ADAMTS13: variants seen among roughly 807,000 people sequenced by gnomAD.
ADAMTS13 encodes ADAM metallopeptidase with thrombospondin type 1 motif 13.
ADAMTS13 carries 110 observed loss-of-function variants against 155.1 expected under a neutral mutation model. That is an observed-to-expected ratio of 0.71 (90% CI 0.61 to 0.83). The LOEUF (loss-of-function observed/expected upper bound fraction) is 0.83, where lower values mean the gene tolerates loss of function less well. ADAMTS13 is among the 40% of genes least tolerant of loss of function. ADAMTS13 has a pLI of 0.00. For missense variants in ADAMTS13, 1,707 were observed against 1,891.7 expected (o/e 0.90, Z 1.81); for synonymous variants, 758 against 756.4 (o/e 1.00, Z -0.03).
intron 11 of ADAMTS13, 38 bp from the exon 12 acceptor site, chr9:133,436,791 C>A (rs1554789105): frequency 1.1e-5 from 7 of 647,920 alleles, no homozygotes; most frequent in South Asian, 3.0e-5. Context: ...CGCCCCCCGC[C>A]CCACCGCCAT....
intron 14 of ADAMTS13, among the ~76,000 whole-genome samples, chr9:133,438,933 G>A (rs968077983): frequency 2.0e-5 from 3 of 147,478 alleles, no homozygotes; most frequent in African/African-American, 7.5e-5. Flanking sequence ...AAAAAAGTAT[G>A]GACGTTGTGC....
At position 133,424,514 on chromosome 9, in the gene ADAMTS13, G is replaced by T. The variant is rs782049664; in HGVS notation, c.330+36G>T. ...CACGCTGGACTGTGCAGGTCCCCAC[G>T]GCCAGGGCTGGTGACCAATGTCTGT... On this transcript the variant is annotated intron_variant, in intron 3 of 28. Coordinates refer to ENST00000355699, the MANE Select transcript of ADAMTS13 (RefSeq NM_139027.6). The surrounding 1 kb of genome is among the most constrained non-coding windows in gnomAD (Gnocchi z 4.3). 1.3e-6 allele frequency: 2 copies of T among 1,589,684 alleles called. No homozygotes were observed. The highest frequency in any genetic ancestry group is 1.8e-5 in the Admixed American group (1 of 55,404).
intron 23 of ADAMTS13, among the ~76,000 whole-genome samples, chr9:133,452,006 A>G (rs1236327331): frequency 2.7e-5 from 4 of 146,050 alleles, no homozygotes; most frequent in African/African-American, 1.0e-4. Context: ...TTTTTTTTCT[A>G]AATTGTTAAC....
intron 27 of ADAMTS13, among the ~76,000 whole-genome samples, chr9:133,457,597 T>C (rs587666286): frequency 1.1e-4 from 16 of 152,356 alleles, no homozygotes; most frequent in African/African-American, 3.8e-4. Flanking sequence ...GTGGAGCCTA[T>C]CTTTGTTGCC....
At position 133,424,760 on chromosome 9, in the gene ADAMTS13, C is replaced by T. The variant is rs890886206; in HGVS notation, c.330+282C>T. On this transcript the variant is annotated intron_variant, in intron 3 of 28. Transcript: ENST00000355699. The surrounding 1 kb of genome is among the most constrained non-coding windows in gnomAD (Gnocchi z 4.3). ...CCTCTTCCCCAGTATCCATTTGACC[C>T]CCACAAAGCTCAGCTAAAGCAACCC... is the stretch of plus-strand genomic sequence containing the variant. Among the ~76,000 whole-genome samples the T allele has an allele frequency of 1.3e-5, 2 of 152,174 alleles. No individual in the cohort carries two copies. The highest frequency in any genetic ancestry group is 4.8e-5 in the African/African-American group (2 of 41,440).
At chr9:133,444,810 C>T in intron 19 of ADAMTS13, 53 bp from the exon 20 acceptor site, 4 of 1,592,412 alleles carry the variant, frequency 2.5e-6, no homozygotes, top group Non-Finnish European at 3.4e-6. Flanking sequence ...TGGGCTATAC[C>T]TTCCCCTGGG....
intron 28 of ADAMTS13, among the ~76,000 whole-genome samples, chr9:133,458,631 A>AGG (rs1210819799): frequency 2.0e-5 from 3 of 151,232 alleles, no homozygotes; most frequent in African/African-American, 2.4e-5. Flanking sequence ...CAGCTAACCC[A>AGG]AGACTGAAGC....
rs1554796575 is a variant in ADAMTS13 at position 133,457,929 on chromosome 9, T to C, written c.3744T>C (p.Phe1248=). The C allele has an allele frequency of 3.7e-6, 6 of 1,613,678 alleles. No homozygotes were observed. Among genetic ancestry groups the C allele is most frequent in the Non-Finnish European group, 5.1e-6 (6 of 1,180,022 alleles). Residue 1248 remains phenylalanine (F), a synonymous_variant, in exon 28 of 29, where the codon TTT becomes TTC. Transcript: ENST00000355699. ...TFYRECDMQL[F]GPWGEIVSPS... is the part of the protein sequence containing the mutation. ...CTGCAGAATGTGACATGCAGCTCTT[T>C]GGGCCCTGGGGTGAAATCGTGAGCC...
chr9:133,447,628 G>A (rs148633120), intron 21 of ADAMTS13, among the ~76,000 whole-genome samples: 8 of 148,570 alleles, frequency 5.4e-5, no homozygotes, highest in East Asian at 2.0e-4. Context: ...TTCCTCTGTC[G>A]CCCAGGCTGA....
chr9:133,454,644 C>A (rs782232865), intron 24 of ADAMTS13, 25 bp downstream of exon 24: 1 of 1,572,820 alleles, frequency 6.4e-7, no homozygotes. Flanking sequence ...CACTCGGAAT[C>A]CCTATGGGGC....
upstream of ADAMTS13, among the ~76,000 whole-genome samples, chr9:133,419,990 C>A (rs143320838): frequency 1.9e-4 from 29 of 152,224 alleles, no homozygotes; most frequent in African/African-American, 7.0e-4. Flanking sequence ...CCGCAACCTC[C>A]ACCTCCCGGG....
chr9:133,417,881 G>GAGACCCCGGCCTCCCC (rs1839768863), upstream of ADAMTS13: 1 of 1,584,424 alleles, frequency 6.3e-7, no homozygotes, highest in Non-Finnish European at 8.5e-7. Flanking sequence ...GCGGCCACCC[G>GAGACCCCGGCCTCCCC]AGACCCCGGC....
At chr9:133,428,503 C>T in intron 6 of ADAMTS13, 131 bp from the exon 7 acceptor site, 1 of 471,980 alleles carries the variant, frequency 2.1e-6, no homozygotes. Flanking sequence ...AGGGGTCGAC[C>T]CGGGTCGGAA....
chr9:133,431,898 C>G (rs587696238), intron 8 of ADAMTS13, among the ~76,000 whole-genome samples: 1 of 152,228 alleles, frequency 6.6e-6, no homozygotes, highest in Non-Finnish European at 1.5e-5. Context: ...TCGTGATTTG[C>G]CCGCCTCGGC....
rs587748341 is a variant in ADAMTS13, at chr9:133,449,500, A to G, written c.2862-283A>G. 9.9e-5 allele frequency among the ~76,000 whole-genome samples: 15 copies of G among 152,222 alleles called. No individual in the cohort carries two copies. The East Asian group carries it at 2.5e-3, about 26-fold the overall frequency. ...GGATCACTGTTGAAGACAGACATGC[A>G]GGGCCCTTGGGTGCCCGGACCCCTG... On this transcript the variant is annotated intron_variant, in intron 22 of 28. Transcript: ENST00000355699.
Position 133,456,657 on chromosome 9 carries a change from G to C in ADAMTS13, c.3662G>C (p.Arg1221Pro), listed in dbSNP as rs782090689. ...CTGGTGGTGAGGCAGCGCTGCGGGC[G>C]GCCAGGAGGTGGGGTGCTGCTGCGG... ...NTLVVRQRCG[R>P]PGGGVLLRYG... The change falls in exon 27 of 29, where the codon CGG (arginine) becomes CCG (proline). Residue 1221 changes from arginine to proline, a missense_variant. Transcript: ENST00000355699. The surrounding 1 kb of genome is among the most constrained non-coding windows in gnomAD (Gnocchi z 4.4). The C allele has an allele frequency of 6.2e-7, 1 of 1,602,342 alleles. No homozygotes were observed. The highest frequency in any genetic ancestry group is 1.1e-5 in the South Asian group (1 of 89,322).
At position 133,433,699 on chromosome 9, in the gene ADAMTS13, A is replaced by G; in HGVS notation, c.1303A>G (p.Thr435Ala). The change falls in exon 11 of 29, where the codon ACT becomes GCT. Residue 435 changes from threonine (T) to alanine (A), a missense_variant. Thr to Ala is a moderately conservative substitution (Grantham distance 58). Coordinates refer to ENST00000355699, the MANE Select transcript of ADAMTS13 (RefSeq NM_139027.6). ...TGACCTCCAGGCCGAGATGTGCAAC[A>G]CTCAGGTAGGCCTGCTTCCTGGGGT... The part of the protein sequence containing the change: ...GADLQAEMCN[T>A]QACEKTQLEF... 1 of 1,613,216 alleles carries G rather than the reference A, an allele frequency of 6.2e-7. No individual in the cohort carries two copies. The highest frequency in any genetic ancestry group is 8.5e-7 in the Non-Finnish European group (1 of 1,179,904).
In ADAMTS13 at chr9:133,449,788, A is replaced by T; in HGVS notation, c.2867A>T (p.Gln956Leu). The change falls in exon 23 of 29, where the codon CAG (glutamine) becomes CTG (leucine). Residue 956 changes from glutamine to leucine, a missense_variant. By Grantham distance (113) the Gln-to-Leu change is moderately radical. Coordinates refer to ENST00000355699, the MANE Select transcript of ADAMTS13 (RefSeq NM_139027.6). The part of the protein sequence containing the change: ...CQAVPCPARW[Q>L]YKLAACSVSC... ...CTGACTCCAGTTTGCTCCAGGTGGC[A>T]GTACAAGCTGGCGGCCTGCAGCGTG... 1 of 1,613,908 alleles carries T rather than the reference A, an allele frequency of 6.2e-7. No individual in the cohort carries two copies. The highest frequency in any genetic ancestry group is 8.5e-7 in the Non-Finnish European group (1 of 1,180,028).
Position 133,437,823 on chromosome 9 carries a change from G to A in ADAMTS13, c.1510G>A (p.Asp504Asn), listed in dbSNP as rs782200160. The A allele has an allele frequency of 9.3e-6, 15 of 1,613,860 alleles. No homozygotes were observed. Among genetic ancestry groups the A allele is most frequent in the Admixed American group, 3.3e-5 (2 of 60,006 alleles). Residue 504 changes from aspartate (D) to asparagine (N), a missense_variant, in exon 13 of 29, where the codon GAT (aspartate) becomes AAT (asparagine). By Grantham distance (23) the Asp-to-Asn change is conservative (BLOSUM62 1). Coordinates refer to ENST00000355699, the MANE Select transcript of ADAMTS13 (RefSeq NM_139027.6). Reference sequence around the variant, plus strand: ...CATGAAGCGTGGAGACAGCTTCCTCGATGGGACCCGGTGTATGCCAAGTGG... The same window carrying A: ...CATGAAGCGTGGAGACAGCTTCCTCAATGGGACCCGGTGTATGCCAAGTGG... ...FIMKRGDSFL[D>N]GTRCMPSGPR... is the part of the protein sequence containing the mutation.
Sources: allele counts gnomAD v4.1 joint callset (sites outside exome capture counted in the v4.1 genomes callset), GRCh38; gene constraint gnomAD v4.1.1; non-coding constraint Gnocchi (gnomAD v3.1); transcripts MANE v1.5; gene names NCBI Gene and HGNC (gene_info 2026-07-23, HGNC 2026-07-21).